Variants in WDR17 observed in about 807,000 individuals in gnomAD.
WDR17 encodes the protein WD repeat domain 17.
In WDR17, 143 loss-of-function variants were observed where a neutral mutation model predicts 161.7. That is an observed-to-expected ratio of 0.88 (90% CI 0.77 to 1.02). The LOEUF is 1.02. WDR17 is among the 50% of genes least tolerant of loss of function. The probability of loss-of-function intolerance (pLI) is 0.00; values close to 1 mark genes in which losing one functional copy is unlikely to be tolerated. For missense variants in WDR17, 1,469 were observed against 1,520.9 expected, an observed-to-expected ratio of 0.97 and a Z score of 0.57; for synonymous variants, 517 against 515.6, an observed-to-expected ratio of 1.00 and a Z score of -0.04.
chr4:176,131,824 T>C, intron 7 of WDR17, 86 bp downstream of exon 7: 1 of 1,097,310 alleles, frequency 9.1e-7, no homozygotes, highest in Non-Finnish European at 1.2e-6. Context: ...GAATATTATT[T>C]GAAATTATTT....
chr4:176,085,088 A>G (rs190476148), intron 1 of WDR17, among the ~76,000 whole-genome samples: 2 of 152,044 alleles, frequency 1.3e-5, no homozygotes, highest in African/African-American at 4.8e-5. Context: ...CTGGGCATTT[A>G]CATTTTCATA....
At chr4:176,077,455 C>T (rs1451951992) in intron 1 of WDR17, among the ~76,000 whole-genome samples, 4 of 152,050 alleles carry the variant, frequency 2.6e-5, no homozygotes, top group African/African-American at 9.7e-5. Context: ...CCATCTATGG[C>T]ACTCTGTAGT....
chr4:176,090,631 T>C (rs2126626921), intron 1 of WDR17, among the ~76,000 whole-genome samples: 1 of 152,238 alleles, frequency 6.6e-6, no homozygotes, highest in East Asian at 1.9e-4. Flanking sequence ...TGAAAGGACA[T>C]CATTATCACC....
At chr4:176,072,300 A>C (rs1051236021) in intron 1 of WDR17, among the ~76,000 whole-genome samples, 7 of 152,178 alleles carry the variant, frequency 4.6e-5, no homozygotes, top group African/African-American at 1.7e-4. Context: ...TCATCTTTAT[A>C]GACATTGAAC....
intron 1 of WDR17, among the ~76,000 whole-genome samples, chr4:176,081,408 C>G (rs140553288): frequency 1.3e-5 from 2 of 152,104 alleles, no homozygotes; most frequent in East Asian, 3.9e-4. Context: ...TCTCAAAGTT[C>G]CAACCTCACC....
At chr4:176,110,835 T>G (rs1739595569) in intron 1 of WDR17, among the ~76,000 whole-genome samples, 1 of 152,188 alleles carries the variant, frequency 6.6e-6, no homozygotes, top group Non-Finnish European at 1.5e-5. Context: ...TTGGTCTAAT[T>G]CCTTATTTCC....
chr4:176,082,102 C>G (rs1578999730), intron 1 of WDR17, among the ~76,000 whole-genome samples: 2 of 151,842 alleles, frequency 1.3e-5, no homozygotes, highest in East Asian at 3.9e-4. Flanking sequence ...TCTTTAATAA[C>G]TGGCTTTAGT....
chr4:176,079,552 A>G (rs751025450), intron 1 of WDR17, among the ~76,000 whole-genome samples: 3 of 152,146 alleles, frequency 2.0e-5, no homozygotes, highest in Non-Finnish European at 2.9e-5. Flanking sequence ...ACACTCATAC[A>G]TATCTCAAAT....
chr4:176,162,848 G>T (rs1002761434), intron 21 of WDR17, among the ~76,000 whole-genome samples: 1 of 151,864 alleles, frequency 6.6e-6, no homozygotes, highest in Non-Finnish European at 1.5e-5. Context: ...TTCTGATATG[G>T]AGATTGAAGG....
At chr4:176,139,206 T>C (rs1744868426) in intron 9 of WDR17, among the ~76,000 whole-genome samples, 1 of 151,916 alleles carries the variant, frequency 6.6e-6, no homozygotes, top group Non-Finnish European at 1.5e-5. Context: ...AGTAGAACTG[T>C]TTTTAATTAA....
At chr4:176,123,427 A>G (rs770945580) in intron 4 of WDR17, among the ~76,000 whole-genome samples, 11 of 152,222 alleles carry the variant, frequency 7.2e-5, no homozygotes, top group Non-Finnish European at 1.0e-4. Context: ...ATCAGGCCCC[A>G]TTACTGTCCT....
chr4:176,172,550 T>A, intron 24 of WDR17, 34 bp downstream of exon 24: 1 of 1,513,878 alleles, frequency 6.6e-7, no homozygotes, highest in Non-Finnish European at 8.9e-7. Context: ...ATTTTAAATA[T>A]ACTCATTTAT....
At chr4:176,112,605 C>G (rs1739944965) in intron 2 of WDR17, among the ~76,000 whole-genome samples, 1 of 152,126 alleles carries the variant, frequency 6.6e-6, no homozygotes, top group African/African-American at 2.4e-5. Context: ...GCTTACATTG[C>G]CTGTCTAGAG....
At chr4:176,165,436 G>T (rs926977516) in intron 22 of WDR17, among the ~76,000 whole-genome samples, 10 of 152,038 alleles carry the variant, frequency 6.6e-5, no homozygotes, top group Non-Finnish European at 1.3e-4. Flanking sequence ...ACAATATGAG[G>T]GTTAGGGGTG....
chr4:176,132,355 GT>G, intron 7 of WDR17, among the ~76,000 whole-genome samples: 1 of 151,990 alleles, frequency 6.6e-6, no homozygotes, highest in Non-Finnish European at 1.5e-5. Context: ...TACATACTGC[GT>G]TGTAATTAAT....
intron 12 of WDR17, among the ~76,000 whole-genome samples, chr4:176,146,850 G>A (rs893985512): frequency 2.0e-5 from 3 of 151,118 alleles, no homozygotes; most frequent in Non-Finnish European, 4.4e-5. Context: ...GCAAGCTTAA[G>A]AGGACAAAGA....
intron 20 of WDR17, 28 bp from the exon 21 acceptor site, chr4:176,162,047 T>A (rs757749804): frequency 6.4e-7 from 1 of 1,563,468 alleles, no homozygotes; most frequent in Admixed American, 1.8e-5. Flanking sequence ...CTTGTGTTTA[T>A]ATAGAATACA....
chr4:176,163,002 T>C lies in WDR17; in HGVS notation c.2851-152T>C, dbSNP rs10520337. 8,301 of 1,044,104 alleles carry C rather than the reference T, an allele frequency of 8.0e-3. 448 individuals carry two copies. The African/African-American group carries it at 0.12, about 14-fold the overall frequency. 64.7% of individuals were successfully genotyped at this position (1,044,104 alleles called of 1,614,324 possible). A position where few individuals can be genotyped will look rare whatever the true frequency, so the allele number is the denominator to read the frequency against. On this transcript the variant is annotated intron_variant, in intron 21 of 28. Transcript: ENST00000508596. ...TCTGAAAATTGCAATTACGCTTACATAGCTACTTTATAGGAATATTACAGT... is the reference window on the plus strand; with the variant it reads ...TCTGAAAATTGCAATTACGCTTACACAGCTACTTTATAGGAATATTACAGT...
At position 176,111,837 on chromosome 4, in the gene WDR17, G is replaced by C. The variant is rs1016262963; in HGVS notation, c.123+134G>C. ...TTTATATTTATATTTTTAAAGTTTTGTGATTTATACCGTATAGGTTTTAAA... is the reference window on the plus strand; with the variant it reads ...TTTATATTTATATTTTTAAAGTTTTCTGATTTATACCGTATAGGTTTTAAA... On this transcript the variant is annotated intron_variant, in intron 2 of 28. Transcript: ENST00000508596. 5.6e-6 allele frequency: 5 copies of C among 888,680 alleles called. No individual in the cohort carries two copies. In the African/African-American group the frequency reaches 7.0e-5, roughly 12 times the overall value. The allele number at this position is 888,680 out of a possible 1,614,324, so 55.0% of individuals were successfully genotyped here.
Sources: gnomAD v4.1 joint callset for allele counts (sites outside exome capture counted in the v4.1 genomes callset) on GRCh38, gnomAD v4.1.1 for gene constraint, MANE v1.5 for transcripts, NCBI Gene and HGNC (gene_info 2026-07-23, HGNC 2026-07-21) for gene names.